CLUL1: variants seen among roughly 807,000 people sequenced by gnomAD.
The protein encoded by CLUL1 is clusterin like 1.
Under a neutral mutation model 49.4 loss-of-function variants are expected in CLUL1, and 43 were observed. The ratio of observed to expected loss-of-function variants is 0.87; its 90% CI spans 0.68 to 1.12. The LOEUF (loss-of-function observed/expected upper bound fraction) is 1.12. Among genes scored for constraint, CLUL1 ranks in the 50% most tolerant of loss-of-function variants. The pLI, the probability that CLUL1 is intolerant of heterozygous loss-of-function variation, is 0.00. For missense variants in CLUL1, 486 were observed against 544.4 expected, an observed-to-expected ratio of 0.89 and a Z score of 1.07; for synonymous variants, 192 against 184.9, an observed-to-expected ratio of 1.04 and a Z score of -0.31.
In CLUL1 at chr18:645,792, T is replaced by TAAAAAAAAAAAAAA. The variant is rs869103727; in HGVS notation, c.1397+701_1397+714dup. Among the ~76,000 whole-genome samples, 3 of 16,082 alleles carry TAAAAAAAAAAAAAA rather than the reference T, an allele frequency of 1.9e-4. 1 individual carries two copies. The highest frequency in any genetic ancestry group is 7.7e-4 in the African/African-American group (3 of 3,906). 10.6% of individuals were successfully genotyped at this position (16,082 alleles called of 152,430 possible). On this transcript the variant is annotated intron_variant, in intron 9 of 9. Coordinates refer to ENST00000692774, the MANE Select transcript of CLUL1 (RefSeq NM_001393344.1). ...CTGGGCGACAGAGCGAGACTCTGTTTAAAAAAAAAAAAAAAAAAATATATA... is the reference window on the plus strand; with the variant it reads ...CTGGGCGACAGAGCGAGACTCTGTTTAAAAAAAAAAAAAAAAAAAAAAAAAAAAAAAAATATATA...
intron 5 of CLUL1, among the ~76,000 whole-genome samples, chr18:625,995 G>T (rs1299424081): frequency 6.6e-6 from 1 of 152,142 alleles, no homozygotes; most frequent in Non-Finnish European, 1.5e-5. Flanking sequence ...TTCCCATCTG[G>T]GTCAGTTGTG....
intron 8 of CLUL1, 44 bp from the exon 9 acceptor site, chr18:644,866 A>AT: frequency 6.8e-7 from 1 of 1,461,478 alleles, no homozygotes; most frequent in Middle Eastern, 1.8e-4. Flanking sequence ...TTGAATGTGT[A>AT]TTGGGATTTA....
At position 627,463 on chromosome 18, in the gene CLUL1, G is replaced by C; in HGVS notation, c.790G>C (p.Glu264Gln). Reference sequence around the variant, plus strand: ...TTGTAATTTCAGTGTCTCTATTTATGAAAGTGTCAGTGAAACAATTACTAA... The same window carrying C: ...TTGTAATTTCAGTGTCTCTATTTATCAAAGTGTCAGTGAAACAATTACTAA... Reference protein sequence around the residue: ...LFCNFSVSIYESVSETITKML... With the variant: ...LFCNFSVSIYQSVSETITKML... Residue 264 changes from glutamate (E) to glutamine (Q), a missense_variant, in exon 6 of 10, where the codon GAA (glutamate) becomes CAA (glutamine). By Grantham distance (29) the Glu-to-Gln change is conservative (BLOSUM62 2). Coordinates refer to ENST00000692774, the MANE Select transcript of CLUL1 (RefSeq NM_001393344.1). 1 of 1,613,680 alleles carries C rather than the reference G, an allele frequency of 6.2e-7. No homozygotes were observed. Among genetic ancestry groups the C allele is most frequent in the South Asian group, 1.1e-5 (1 of 91,030 alleles).
At chr18:601,073 C>T (rs559565369) in intron 1 of CLUL1, among the ~76,000 whole-genome samples, 21 of 152,262 alleles carry the variant, frequency 1.4e-4, no homozygotes. Flanking sequence ...AAAATATCCT[C>T]GGCTTACCTG....
intron 7 of CLUL1, among the ~76,000 whole-genome samples, chr18:636,137 T>C (rs996366057): frequency 6.6e-6 from 1 of 152,236 alleles, no homozygotes; most frequent in Non-Finnish European, 1.5e-5. Context: ...CTTTGGGTTT[T>C]AAGATTAAAG....
At position 618,787 on chromosome 18, in the gene CLUL1, G is replaced by A. The variant is rs753575571; in HGVS notation, c.107-426G>A. ...TTACATGGGATACTTTCTAGGTCTC[G>A]TGCCTCCTTATTAGGTAACTGAAGC... On this transcript the variant is annotated intron_variant, in intron 3 of 9. Coordinates refer to ENST00000692774, the MANE Select transcript of CLUL1 (RefSeq NM_001393344.1). The surrounding 1 kb of genome is among the most constrained non-coding windows in gnomAD (Gnocchi z 4.2). Among the ~76,000 whole-genome samples the A allele has an allele frequency of 2.6e-5, 4 of 152,118 alleles. No individual in the cohort carries two copies. Among genetic ancestry groups the A allele is most frequent in the Admixed American group, 2.0e-4 (3 of 15,278 alleles).
At chr18:603,444 ACAATTCC>A (rs1411183783) in intron 1 of CLUL1, among the ~76,000 whole-genome samples, 2 of 151,996 alleles carry the variant, frequency 1.3e-5, no homozygotes, top group Non-Finnish European at 2.9e-5. Context: ...CACAGTGTAG[ACAATTCC>A]TAAATACTTA....
chr18:610,292 A>G (rs2073096334), intron 2 of CLUL1, among the ~76,000 whole-genome samples: 2 of 152,226 alleles, frequency 1.3e-5, no homozygotes, highest in Non-Finnish European at 2.9e-5. Context: ...AAGACTCAAT[A>G]GTCTTCCATT....
chr18:598,568 T>A (rs1420370521), intron 1 of CLUL1: 2 of 398,518 alleles, frequency 5.0e-6, no homozygotes, highest in East Asian at 7.1e-5. Context: ...CTCTCTTGGA[T>A]AATTTACAAC....
At chr18:644,225 C>A (rs988995437) in intron 8 of CLUL1, among the ~76,000 whole-genome samples, 3 of 152,172 alleles carry the variant, frequency 2.0e-5, no homozygotes, top group Admixed American at 6.5e-5. Flanking sequence ...ATTTTTAAAT[C>A]ATTCTCTTAA....
At chr18:643,233 T>C (rs1425967121) in intron 8 of CLUL1, among the ~76,000 whole-genome samples, 2 of 152,232 alleles carry the variant, frequency 1.3e-5, no homozygotes, top group African/African-American at 4.8e-5. Flanking sequence ...TGTGTATATG[T>C]GTGTAAACAT....
At chr18:626,350 C>T (rs750153192) in intron 5 of CLUL1, among the ~76,000 whole-genome samples, 10 of 152,058 alleles carry the variant, frequency 6.6e-5, no homozygotes, top group Admixed American at 6.6e-4. Context: ...GATCCACACA[C>T]CTTGGCCTCC....
intron 2 of CLUL1, among the ~76,000 whole-genome samples, chr18:609,862 T>C (rs936121224): frequency 6.6e-6 from 1 of 151,870 alleles, no homozygotes; most frequent in African/African-American, 2.4e-5. Context: ...TTTGGAGCAT[T>C]TTGGATTTTG....
At chr18:605,044 GC>G (rs1488674321) in intron 1 of CLUL1, among the ~76,000 whole-genome samples, 1 of 152,122 alleles carries the variant, frequency 6.6e-6, no homozygotes, top group African/African-American at 2.4e-5. Context: ...TTTACTTTCT[GC>G]CTAAAGCAAG....
rs146801633 is a variant in CLUL1, at chr18:610,395, G to T, written c.-14+3296G>T. ...GGATTGAAGGAGACAGAGAAGTCTG[G>T]GATGATTCCCAAATGTCTGGATCTG... On this transcript the variant is annotated intron_variant, in intron 2 of 9. Transcript: ENST00000692774. Among the ~76,000 whole-genome samples the T allele has an allele frequency of 4.4e-3, 665 of 152,196 alleles. 4 individuals are homozygous for T. Among genetic ancestry groups the T allele is most frequent in the African/African-American group, 0.015 (641 of 41,534 alleles).
At chr18:626,107 ATTCTT>A (rs1206910462) in intron 5 of CLUL1, among the ~76,000 whole-genome samples, 3 of 151,978 alleles carry the variant, frequency 2.0e-5, no homozygotes, top group African/African-American at 4.8e-5. Flanking sequence ...ATCCACCCAA[ATTCTT>A]TTCTTTATTT....
chr18:613,216 G>T, intron 2 of CLUL1: 1 of 471,486 alleles, frequency 2.1e-6, no homozygotes, highest in Non-Finnish European at 3.8e-6. Context: ...TCAGCTCACT[G>T]CAACCTCTAC....
In CLUL1 at chr18:625,001, G is replaced by A; in HGVS notation, c.392G>A (p.Cys131Tyr). Reference protein sequence around the residue: ...ENNCMRIYTTCQPSWSSVKNK... With the variant: ...ENNCMRIYTTYQPSWSSVKNK... ...AACTGCATGAGAATTTATACAACCT[G>A]CCAACCTAGCTGGTCCTCTGTGAAA... The change falls in exon 5 of 10, where the codon TGC becomes TAC. Residue 131 changes from cysteine to tyrosine, a missense_variant. Cys to Tyr is a radical substitution (Grantham distance 194, BLOSUM62 -2). Coordinates refer to ENST00000692774, the MANE Select transcript of CLUL1 (RefSeq NM_001393344.1). 1 of 1,614,152 alleles carries A rather than the reference G, an allele frequency of 6.2e-7. No homozygotes were observed. Among genetic ancestry groups the A allele is most frequent in the South Asian group, 1.1e-5 (1 of 91,066 alleles).
intron 4 of CLUL1, among the ~76,000 whole-genome samples, chr18:622,924 G>A (rs2073540873): frequency 6.6e-6 from 1 of 152,118 alleles, no homozygotes; most frequent in African/African-American, 2.4e-5. Context: ...ACTGTAGTTT[G>A]GAATTGGGAA....
Sources: allele counts gnomAD v4.1 joint callset (sites outside exome capture counted in the v4.1 genomes callset), GRCh38; gene constraint gnomAD v4.1.1; non-coding constraint Gnocchi (gnomAD v3.1); transcripts MANE v1.5; gene names NCBI Gene and HGNC (gene_info 2026-07-23, HGNC 2026-07-21).